The following NEGR1 variants were observed in gnomAD, a reference collection of about 807,000 sequenced individuals.
NEGR1 encodes the protein neuronal growth regulator 1, also known as IgLON family member 4.
In NEGR1, 10 loss-of-function variants were observed where a neutral mutation model predicts 40.9. The observed-to-expected ratio is 0.24, with a 90% CI of 0.15 to 0.42. The LOEUF (loss-of-function observed/expected upper bound fraction) is 0.42, where lower values mean the gene tolerates loss of function less well. Ranked by LOEUF, NEGR1 falls within the 10% of genes least tolerant of loss-of-function variation. NEGR1 has a pLI of 1.00. For missense variants in NEGR1, 352 were observed against 438.9 expected, an observed-to-expected ratio of 0.80 and a Z score of 1.77; for synonymous variants, 185 against 166.8, an observed-to-expected ratio of 1.11 and a Z score of -0.84.
At chr1:71,548,099 A>G (rs1055607491) in intron 6 of NEGR1, among the ~76,000 whole-genome samples, 3 of 151,722 alleles carry the variant, frequency 2.0e-5, no homozygotes, top group Admixed American at 6.6e-5. Flanking sequence ...CATCTTGATT[A>G]CAGTCTCATG....
chr1:71,808,502 G>T (rs536568437), intron 2 of NEGR1, among the ~76,000 whole-genome samples: 1 of 152,098 alleles, frequency 6.6e-6, no homozygotes, highest in Admixed American at 6.6e-5. Context: ...AGGTTAGGGA[G>T]CCTGTCAGTC....
At chr1:72,023,419 C>A (rs779804347) in intron 1 of NEGR1, among the ~76,000 whole-genome samples, 1 of 151,844 alleles carries the variant, frequency 6.6e-6, no homozygotes, top group South Asian at 2.1e-4. Flanking sequence ...CTGGATGAAT[C>A]CTAAAAGCTG....
At chr1:72,214,850 GAAAA>G (rs151146422) in intron 1 of NEGR1, among the ~76,000 whole-genome samples, 4 of 142,760 alleles carry the variant, frequency 2.8e-5, no homozygotes, top group African/African-American at 7.6e-5. Flanking sequence ...CAGAATTAGC[GAAAA>G]AAAAAAAAAT....
At chr1:71,955,869 A>G (rs1646115242) in intron 1 of NEGR1, among the ~76,000 whole-genome samples, 1 of 152,144 alleles carries the variant, frequency 6.6e-6, no homozygotes, top group Non-Finnish European at 1.5e-5. Context: ...GTACTGTTGT[A>G]GAGGAAAAGG....
intron 1 of NEGR1, among the ~76,000 whole-genome samples, chr1:71,971,760 TAATCA>T (rs1475000110): frequency 6.6e-6 from 1 of 152,244 alleles, no homozygotes; most frequent in African/African-American, 2.4e-5. Context: ...TTTCAGTCGT[TAATCA>T]AAATATGGTC....
rs1246536741 is a variant in NEGR1 at position 72,097,741 on chromosome 1, C to G, written c.177-162430G>C. Among the ~76,000 whole-genome samples the G allele has an allele frequency of 5.9e-5, 9 of 152,096 alleles. No homozygotes were observed. In the East Asian group the frequency reaches 1.7e-3, roughly 29 times the overall value. ...ACAATTTCTCTAAGAACTGACAATGCCTTGGCTGAGAGTTTCTTGAAATTA... is the reference window on the plus strand; with the variant it reads ...ACAATTTCTCTAAGAACTGACAATGGCTTGGCTGAGAGTTTCTTGAAATTA... On this transcript the variant is annotated intron_variant, in intron 1 of 6. Coordinates refer to ENST00000357731, the MANE Select transcript of NEGR1 (RefSeq NM_173808.3).
chr1:71,415,634 A>G (rs1646350136), intron 6 of NEGR1, among the ~76,000 whole-genome samples: 1 of 152,176 alleles, frequency 6.6e-6, no homozygotes, highest in South Asian at 2.1e-4. Context: ...AAATACCGCT[A>G]TCTTTTATTA....
chr1:72,097,752 A>C (rs997808223), intron 1 of NEGR1, among the ~76,000 whole-genome samples: 1 of 152,164 alleles, frequency 6.6e-6, no homozygotes, highest in African/African-American at 2.4e-5. Context: ...CTTGGCTGAG[A>C]GTTTCTTGAA....
chr1:71,987,272 A>G (rs1476766795), intron 1 of NEGR1, among the ~76,000 whole-genome samples: 1 of 152,240 alleles, frequency 6.6e-6, no homozygotes, highest in Non-Finnish European at 1.5e-5. Context: ...AATAGCAAGT[A>G]GTGAAAGAAG....
chr1:72,246,217 T>C (rs9425080), intron 1 of NEGR1, among the ~76,000 whole-genome samples: 2,060 of 152,262 alleles, frequency 0.014, 26 homozygotes, highest in Non-Finnish European at 0.022. Flanking sequence ...GACTAGATGG[T>C]TGAAACAATT....
intron 2 of NEGR1, among the ~76,000 whole-genome samples, chr1:71,839,150 A>G (rs1659146419): frequency 6.7e-6 from 1 of 149,096 alleles, no homozygotes; most frequent in South Asian, 2.1e-4. Context: ...ATCCTTGAAG[A>G]TAATTGAGAA....
At chr1:71,626,385 C>T (rs565615829) in intron 4 of NEGR1, among the ~76,000 whole-genome samples, 171 of 137,276 alleles carry the variant, frequency 1.2e-3, no homozygotes, top group Middle Eastern at 0.011. Context: ...CAACAGGCCC[C>T]GGTGTGTGAT....
At chr1:71,496,934 C>G (rs1174030022) in intron 6 of NEGR1, among the ~76,000 whole-genome samples, 1 of 152,178 alleles carries the variant, frequency 6.6e-6, no homozygotes, top group East Asian at 1.9e-4. Flanking sequence ...TCCATTTTCA[C>G]TACTGGAAAA....
chr1:71,972,673 C>G (rs1050344506), intron 1 of NEGR1, among the ~76,000 whole-genome samples: 1 of 152,076 alleles, frequency 6.6e-6, no homozygotes, highest in African/African-American at 2.4e-5. Flanking sequence ...TCCTGCCCCA[C>G]GGATACTATA....
intron 6 of NEGR1, among the ~76,000 whole-genome samples, chr1:71,536,965 C>T (rs187832121): frequency 1.3e-3 from 200 of 151,610 alleles, no homozygotes; most frequent in South Asian, 2.5e-3. Context: ...CTAACTAGAG[C>T]CAATAAATCT....
At chr1:71,604,064 A>T (rs1650003972) in intron 5 of NEGR1, among the ~76,000 whole-genome samples, 1 of 152,194 alleles carries the variant, frequency 6.6e-6, no homozygotes, top group Admixed American at 6.5e-5. Flanking sequence ...ATACATGGGA[A>T]TGAAGACCCA....
chr1:71,720,863 G>A (rs1049534824), intron 3 of NEGR1, among the ~76,000 whole-genome samples: 19 of 151,978 alleles, frequency 1.3e-4, no homozygotes, highest in Admixed American at 2.6e-4. Context: ...TGCTTCCTGT[G>A]GATTCTTTCA....
At chr1:71,760,054 T>C (rs930239012) in intron 3 of NEGR1, among the ~76,000 whole-genome samples, 3 of 152,202 alleles carry the variant, frequency 2.0e-5, no homozygotes, top group African/African-American at 7.2e-5. Flanking sequence ...GACAGCCTAA[T>C]GTTAAGCATT....
At chr1:72,184,644 G>A (rs780995647) in intron 1 of NEGR1, among the ~76,000 whole-genome samples, 4 of 151,928 alleles carry the variant, frequency 2.6e-5, no homozygotes, top group African/African-American at 7.2e-5. Flanking sequence ...AAAATTTTAG[G>A]TCCATAATAT....
Sources: allele counts gnomAD v4.1 joint callset (sites outside exome capture counted in the v4.1 genomes callset), GRCh38; gene constraint gnomAD v4.1.1; transcripts MANE v1.5; gene names NCBI Gene and HGNC (gene_info 2026-07-23, HGNC 2026-07-21).